Variants in CHD6 observed in about 807,000 individuals in gnomAD.
The protein encoded by CHD6 is chromodomain helicase DNA binding protein 6.
Under a neutral mutation model 276.9 loss-of-function variants are expected in CHD6, and 50 were observed. The observed-to-expected ratio is 0.18, with a 90% CI of 0.14 to 0.23. The LOEUF (loss-of-function observed/expected upper bound fraction) is 0.23, where lower values mean the gene tolerates loss of function less well. Among genes scored for constraint, CHD6 ranks in the 10% least tolerant of loss-of-function variants. The probability of loss-of-function intolerance (pLI) is 1.00; values close to 1 mark genes in which losing one functional copy is unlikely to be tolerated. For missense variants in CHD6, 2,564 were observed against 3,365.8 expected (o/e 0.76, Z 5.89); for synonymous variants, 1,173 against 1,229.3 (o/e 0.95, Z 0.96).
intron 1 of CHD6, among the ~76,000 whole-genome samples, chr20:41,590,183 C>T (rs2045641906): frequency 6.6e-6 from 1 of 152,198 alleles, no homozygotes; most frequent in Non-Finnish European, 1.5e-5. Flanking sequence ...GAAGTTCGAT[C>T]CCTTCTTTAC....
chr20:41,616,306 G>A (rs558413271), intron 1 of CHD6, among the ~76,000 whole-genome samples: 24 of 152,292 alleles, frequency 1.6e-4, no homozygotes, highest in Non-Finnish European at 3.4e-4. Flanking sequence ...AGAGTTTGCA[G>A]TGCTATTAAA....
At chr20:41,517,982 A>C (rs1421043552) in intron 3 of CHD6, among the ~76,000 whole-genome samples, 1 of 152,272 alleles carries the variant, frequency 6.6e-6, no homozygotes, top group African/African-American at 2.4e-5. Context: ...AATGGTTTAA[A>C]AAATCAGCAA....
At chr20:41,503,160 A>G (rs761297051) in intron 5 of CHD6, among the ~76,000 whole-genome samples, 11 of 152,228 alleles carry the variant, frequency 7.2e-5, no homozygotes, top group Non-Finnish European at 1.3e-4. Flanking sequence ...TGATGCTATT[A>G]TAAATGGGAT....
intron 17 of CHD6, among the ~76,000 whole-genome samples, chr20:41,460,089 G>T (rs772834613): frequency 6.6e-6 from 1 of 152,206 alleles, no homozygotes; most frequent in African/African-American, 2.4e-5. Flanking sequence ...AATGAGACCA[G>T]TGGCATTTGC....
At chr20:41,501,973 C>T (rs2043839551) in intron 5 of CHD6, among the ~76,000 whole-genome samples, 3 of 152,050 alleles carry the variant, frequency 2.0e-5, no homozygotes, top group Admixed American at 6.6e-5. Flanking sequence ...AAGTCATTTG[C>T]CTATTTTATA....
intron 2 of CHD6, among the ~76,000 whole-genome samples, chr20:41,545,154 AG>A (rs1568692423): frequency 6.6e-6 from 1 of 152,170 alleles, no homozygotes; most frequent in East Asian, 1.9e-4. Flanking sequence ...TCTCTTCCAC[AG>A]GTCCAGCAAT....
intron 1 of CHD6, among the ~76,000 whole-genome samples, chr20:41,578,566 G>A (rs2045499106): frequency 6.6e-6 from 1 of 151,940 alleles, no homozygotes; most frequent in Non-Finnish European, 1.5e-5. Context: ...TATAATCCCA[G>A]CTACTCGGGA....
At position 41,584,334 on chromosome 20, in the gene CHD6, C is replaced by T. The variant is rs140521549; in HGVS notation, c.-23-32974G>A. On this transcript the variant is annotated intron_variant, in intron 1 of 36. Transcript: ENST00000373233. Reference sequence around the variant, plus strand: ...CCTGACATCAGAGCTTAACAGCATACGATGTAAGAATTCACAGAATTGTAA... The same window carrying T: ...CCTGACATCAGAGCTTAACAGCATATGATGTAAGAATTCACAGAATTGTAA... Among the ~76,000 whole-genome samples, 847 of 152,196 alleles carry T rather than the reference C, an allele frequency of 5.6e-3. 4 individuals carry two copies. The highest frequency in any genetic ancestry group is 0.01 in the Middle Eastern group (3 of 294).
rs527262004 is a variant in CHD6 at position 41,463,226 on chromosome 20, C to T, written c.2665-5798G>A. On this transcript the variant is annotated intron_variant, in intron 17 of 36. Coordinates refer to ENST00000373233, the MANE Select transcript of CHD6 (RefSeq NM_032221.5). ...AAATAAATGGGAGAAAAAGGGAACA[C>T]TCTTCCTTATAGTAGAATGCTAACT... Among the ~76,000 whole-genome samples the T allele has an allele frequency of 1.6e-3, 240 of 152,290 alleles. 1 individual carries two copies. Among genetic ancestry groups the T allele is most frequent in the Middle Eastern group, 6.8e-3 (2 of 294 alleles).
chr20:41,516,783 A>G (rs1412250303), intron 3 of CHD6, among the ~76,000 whole-genome samples: 1 of 152,168 alleles, frequency 6.6e-6, no homozygotes, highest in Non-Finnish European at 1.5e-5. Context: ...GAAAAGGGCC[A>G]TGAAAGCAGG....
chr20:41,553,243 G>A (rs981645207), intron 1 of CHD6, among the ~76,000 whole-genome samples: 2 of 152,200 alleles, frequency 1.3e-5, no homozygotes, highest in African/African-American at 2.4e-5. Flanking sequence ...TAAGACATAC[G>A]TGTAGAAAGT....
intron 29 of CHD6, among the ~76,000 whole-genome samples, chr20:41,424,150 C>T (rs2047286588): frequency 6.6e-6 from 1 of 152,298 alleles, no homozygotes; most frequent in African/African-American, 2.4e-5. Flanking sequence ...ATTCAACCTC[C>T]TTATCTTACT....
intron 3 of CHD6, among the ~76,000 whole-genome samples, chr20:41,520,332 A>G (rs983429375): frequency 6.6e-6 from 1 of 152,202 alleles, no homozygotes; most frequent in African/African-American, 2.4e-5. Flanking sequence ...TATATATCCA[A>G]AGGATTATAA....
chr20:41,530,966 A>G (rs1247065874), intron 3 of CHD6, among the ~76,000 whole-genome samples: 1 of 152,210 alleles, frequency 6.6e-6, no homozygotes, highest in South Asian at 2.1e-4. Flanking sequence ...AGATCAAATC[A>G]AGTTGCGTTA....
intron 12 of CHD6, among the ~76,000 whole-genome samples, chr20:41,489,490 A>C (rs1351012820): frequency 6.6e-6 from 1 of 152,170 alleles, no homozygotes; most frequent in Non-Finnish European, 1.5e-5. Context: ...ATTCAGATAA[A>C]ATCTTCTGCA....
intron 3 of CHD6, among the ~76,000 whole-genome samples, chr20:41,526,542 C>T (rs1268844150): frequency 1.3e-5 from 2 of 152,126 alleles, no homozygotes; most frequent in Non-Finnish European, 2.9e-5. Flanking sequence ...GGCAATCAGG[C>T]AGCTCAAATG....
chr20:41,498,847 G>GTT (rs1259689903), intron 6 of CHD6, among the ~76,000 whole-genome samples: 1 of 149,120 alleles, frequency 6.7e-6, no homozygotes, highest in African/African-American at 2.5e-5. Context: ...GTGTGTGTGT[G>GTT]TATTTTAAAT....
chr20:41,500,605 A>T (rs2145906637), intron 5 of CHD6, among the ~76,000 whole-genome samples: 1 of 152,222 alleles, frequency 6.6e-6, no homozygotes, highest in East Asian at 1.9e-4. Context: ...GTGAATACAG[A>T]CTATGCTTTT....
chr20:41,487,592 C>A, intron 14 of CHD6, 73 bp downstream of exon 14: 1 of 1,430,060 alleles, frequency 7.0e-7, no homozygotes, highest in Non-Finnish European at 9.5e-7. Context: ...ATCCTGGCCC[C>A]ATAGCATCCT....
Sources: allele counts gnomAD v4.1 joint callset (sites outside exome capture counted in the v4.1 genomes callset), GRCh38; gene constraint gnomAD v4.1.1; transcripts MANE v1.5; gene names NCBI Gene and HGNC (gene_info 2026-07-23, HGNC 2026-07-21).